ITGA9: variants seen among roughly 807,000 people sequenced by gnomAD.
ITGA9 encodes the protein integrin alpha-9.
A neutral mutation model predicts 127.8 loss-of-function variants in ITGA9; 56 were observed. The observed-to-expected ratio is 0.44, with a 90% CI of 0.35 to 0.55. ITGA9 has a LOEUF of 0.55. Among genes scored for constraint, ITGA9 ranks in the 20% least tolerant of loss-of-function variants. ITGA9 has a pLI of 0.00. For synonymous variants in ITGA9, 508 were observed against 514.5 expected (o/e 0.99, Z 0.17); for missense variants, 1,196 against 1,347.1 (o/e 0.89, Z 1.76).
chr3:37,697,540 G>C (rs1700898866), intron 18 of ITGA9, among the ~76,000 whole-genome samples: 1 of 151,390 alleles, frequency 6.6e-6, no homozygotes, highest in South Asian at 2.1e-4. Context: ...TTGTGTCCAA[G>C]TGTTCTCATT....
rs779123508 is a variant in ITGA9 at position 37,542,461 on chromosome 3, A to T, written c.1565A>T (p.Lys522Met). Reference sequence around the variant, plus strand: ...GTTCTGATGGCTGACGTGGCCAAAAAGGAGAAGGGCCAGATGCCCAGGGTC... The same window carrying T: ...GTTCTGATGGCTGACGTGGCCAAAATGGAGAAGGGCCAGATGCCCAGGGTC... ...NYVLMADVAK[K>M]EKGQMPRVYF... Residue 522 changes from lysine to methionine, a missense_variant, in exon 15 of 28, where the codon AAG becomes ATG. Lys to Met is a moderately conservative substitution (Grantham distance 95, BLOSUM62 -1). Coordinates refer to ENST00000264741, the MANE Select transcript of ITGA9 (RefSeq NM_002207.3). The T allele has an allele frequency of 6.2e-7, 1 of 1,613,892 alleles. No homozygotes were observed. The highest frequency in any genetic ancestry group is 8.5e-7 in the Non-Finnish European group (1 of 1,180,028).
intron 4 of ITGA9, among the ~76,000 whole-genome samples, chr3:37,483,484 G>C (rs1333391428): frequency 6.6e-6 from 1 of 152,208 alleles, no homozygotes; most frequent in Admixed American, 6.5e-5. Flanking sequence ...GAAGACACCA[G>C]TGAGGCAGGG....
intron 4 of ITGA9, among the ~76,000 whole-genome samples, chr3:37,487,504 C>A (rs11715360): frequency 0.11 from 17,033 of 152,256 alleles, 1,080 homozygotes; most frequent in Middle Eastern, 0.17. Context: ...ACCTAAACTG[C>A]ATCTTTTGTT....
At chr3:37,643,059 A>T (rs1700347408) in intron 16 of ITGA9, among the ~76,000 whole-genome samples, 1 of 152,328 alleles carries the variant, frequency 6.6e-6, no homozygotes, top group South Asian at 2.1e-4. Flanking sequence ...GAGGGAGAAG[A>T]GTCACTCCAG....
chr3:37,457,749 T>C (rs1416143001), intron 1 of ITGA9, among the ~76,000 whole-genome samples: 2 of 152,182 alleles, frequency 1.3e-5, no homozygotes, highest in Non-Finnish European at 2.9e-5. Flanking sequence ...TTCTGGGAAA[T>C]TTCTCTGAAG....
At chr3:37,793,686 G>C (rs77743299) in intron 26 of ITGA9, among the ~76,000 whole-genome samples, 5,054 of 152,184 alleles carry the variant, frequency 0.033, 160 homozygotes, top group African/African-American at 0.085. Flanking sequence ...CTCCTAATGA[G>C]ACCCAGAAAT....
intron 14 of ITGA9, among the ~76,000 whole-genome samples, chr3:37,536,561 TTCTC>T (rs1699210262): frequency 6.6e-6 from 1 of 152,262 alleles, no homozygotes; most frequent in Non-Finnish European, 1.5e-5. Context: ...TGGTTTCTTC[TTCTC>T]TACCTGGCAG....
chr3:37,571,215 G>A lies in ITGA9; in HGVS notation c.1689+28630G>A, dbSNP rs538625279. ...GGCAGGGAGATCTACTGGAGGCAGC[G>A]TATCACACACTAGTTGTCCAAGAGA... On this transcript the variant is annotated intron_variant, in intron 15 of 27. Transcript: ENST00000264741. 2.7e-5 allele frequency among the ~76,000 whole-genome samples: 4 copies of A among 146,410 alleles called. No homozygotes were observed. The South Asian group carries it at 6.7e-4, about 25-fold the overall frequency.
intron 15 of ITGA9, among the ~76,000 whole-genome samples, chr3:37,604,121 C>A (rs1281948077): frequency 6.6e-6 from 1 of 152,226 alleles, no homozygotes; most frequent in Non-Finnish European, 1.5e-5. Context: ...CCTCCAACCC[C>A]TGCTCCTCAT....
intron 15 of ITGA9, among the ~76,000 whole-genome samples, chr3:37,564,075 T>C (rs912061243): frequency 6.6e-6 from 1 of 152,218 alleles, no homozygotes; most frequent in Non-Finnish European, 1.5e-5. Context: ...ATTGCAGGAC[T>C]TCATGGAGCT....
chr3:37,673,164 G>A (rs1309825521), intron 17 of ITGA9, among the ~76,000 whole-genome samples: 1 of 152,088 alleles, frequency 6.6e-6, no homozygotes, highest in Non-Finnish European at 1.5e-5. Flanking sequence ...GAGAAATCTC[G>A]GAGCTTTCAT....
chr3:37,530,727 T>G (rs1381412573), intron 13 of ITGA9, among the ~76,000 whole-genome samples: 2 of 10,270 alleles, frequency 1.9e-4, no homozygotes, highest in African/African-American at 6.4e-4. Context: ...GTTTTTTTTT[T>G]TTTTTTTTTT....
intron 18 of ITGA9, among the ~76,000 whole-genome samples, chr3:37,705,044 C>G (rs1361541691): frequency 1.3e-5 from 2 of 152,168 alleles, no homozygotes; most frequent in Non-Finnish European, 2.9e-5. Context: ...TAGTTCCCCT[C>G]TTAGAAGTAC....
At position 37,503,228 on chromosome 3, in the gene ITGA9, C is replaced by G. The variant is rs775487050; in HGVS notation, c.663C>G (p.Ile221Met). Reference sequence around the variant, plus strand: ...GGTCATTTTATTGGGCTGGAACCATCAAAGTGCTGAACCTTACGGACAACA... The same window carrying G: ...GGTCATTTTATTGGGCTGGAACCATGAAAGTGCTGAACCTTACGGACAACA... Reference protein sequence around the residue: ...APGSFYWAGTIKVLNLTDNTY... With the variant: ...APGSFYWAGTMKVLNLTDNTY... The change falls in exon 6 of 28, where the codon ATC (isoleucine) becomes ATG (methionine). Residue 221 changes from isoleucine to methionine, a missense_variant. Coordinates refer to ENST00000264741, the MANE Select transcript of ITGA9 (RefSeq NM_002207.3). 1 of 1,614,022 alleles carries G rather than the reference C, an allele frequency of 6.2e-7. No homozygotes were observed. The highest frequency in any genetic ancestry group is 8.5e-7 in the Non-Finnish European group (1 of 1,179,964).
intron 15 of ITGA9, among the ~76,000 whole-genome samples, chr3:37,606,172 A>G (rs1699967370): frequency 6.6e-6 from 1 of 152,188 alleles, no homozygotes; most frequent in Non-Finnish European, 1.5e-5. Flanking sequence ...AGTATGGGTT[A>G]TTTAGAATTC....
Position 37,512,360 on chromosome 3 carries a change from C to T in ITGA9, c.898-1403C>T, listed in dbSNP as rs1040969164. 2.0e-5 allele frequency among the ~76,000 whole-genome samples: 3 copies of T among 151,290 alleles called. No homozygotes were observed. In the South Asian group the frequency reaches 6.3e-4, roughly 32 times the overall value. ...TCAGCCTCCCTTGTAGCTGGGATTA[C>T]AGGTGCCTGCCACCACGCCTGGCTA... is the stretch of plus-strand genomic sequence containing the variant. On this transcript the variant is annotated intron_variant, in intron 8 of 27. Transcript: ENST00000264741.
chr3:37,526,165 C>T (rs962725855), intron 13 of ITGA9, 94 bp downstream of exon 13: 4 of 1,090,534 alleles, frequency 3.7e-6, no homozygotes, highest in Non-Finnish European at 5.7e-6. Flanking sequence ...TGTCCTGTTC[C>T]TTGTAGGCTG....
chr3:37,606,879 A>G (rs2125623620), intron 15 of ITGA9, among the ~76,000 whole-genome samples: 1 of 150,594 alleles, frequency 6.6e-6, no homozygotes, highest in East Asian at 2.0e-4. Context: ...GTTTAATATC[A>G]TCCCTCTGGC....
At chr3:37,608,035 C>T (rs1313904043) in intron 15 of ITGA9, among the ~76,000 whole-genome samples, 3 of 152,184 alleles carry the variant, frequency 2.0e-5, no homozygotes, top group Non-Finnish European at 4.4e-5. Context: ...GGTGAGCATC[C>T]GATCTGCAGC....
Sources: allele counts gnomAD v4.1 joint callset (sites outside exome capture counted in the v4.1 genomes callset), GRCh38; gene constraint gnomAD v4.1.1; transcripts MANE v1.5; gene names NCBI Gene and HGNC (gene_info 2026-07-23, HGNC 2026-07-21).